MIR2052HG: variants seen among roughly 807,000 people sequenced by gnomAD.
MIR2052HG encodes MIR2052 host gene.
intron 4 of MIR2052HG, among the ~76,000 whole-genome samples, chr8:74,706,495 G>C (rs1809412408): frequency 6.6e-6 from 1 of 152,030 alleles, no homozygotes; most frequent in Non-Finnish European, 1.5e-5. Context: ...CCTTTCTATA[G>C]CGAAATTCAG....
At chr8:74,702,274 T>C in intron 2 of MIR2052HG, 1 of 206,978 alleles carries the variant, frequency 4.8e-6, no homozygotes, top group South Asian at 5.6e-5. Flanking sequence ...GCGATTTTGA[T>C]TAAGAAGGGA....
chr8:74,660,598 T>C (rs142794130), intron 2 of MIR2052HG, among the ~76,000 whole-genome samples: 2,435 of 152,304 alleles, frequency 0.016, 58 homozygotes, highest in African/African-American at 0.049. Context: ...TTTTCAAGAA[T>C]TGAAATGCTT....
chr8:74,638,945 A>G (rs1808611147), intron 2 of MIR2052HG, among the ~76,000 whole-genome samples: 1 of 152,190 alleles, frequency 6.6e-6, no homozygotes, highest in Non-Finnish European at 1.5e-5. Flanking sequence ...GGAGAATATG[A>G]ACATTAGGTC....
At chr8:74,632,502 C>T (rs1262584950) in intron 2 of MIR2052HG, 1 of 151,556 alleles carries the variant, frequency 6.6e-6, no homozygotes, top group Non-Finnish European at 1.5e-5. Context: ...TGTTATCTTA[C>T]CTAGGGATTG....
chr8:74,677,180 A>G (rs920375283), intron 2 of MIR2052HG, among the ~76,000 whole-genome samples: 5 of 152,014 alleles, frequency 3.3e-5, no homozygotes, highest in African/African-American at 7.2e-5. Context: ...GCACTAATAA[A>G]ATCAGTTCAA....
At chr8:74,621,708 T>G (rs994606580) in intron 2 of MIR2052HG, among the ~76,000 whole-genome samples, 17 of 152,232 alleles carry the variant, frequency 1.1e-4, no homozygotes, top group African/African-American at 3.6e-4. Flanking sequence ...AGGTGAGATT[T>G]GTGTGGGGAC....
At chr8:74,665,940 C>G (rs1808918995) in intron 2 of MIR2052HG, among the ~76,000 whole-genome samples, 1 of 152,188 alleles carries the variant, frequency 6.6e-6, no homozygotes, top group African/African-American at 2.4e-5. Flanking sequence ...CTTTGCTTCT[C>G]CTTTGCCTTC....
chr8:74,719,849 C>CTTTTTTTTTTTTTTTTTTTTTTTTT (rs10647233), intron 4 of MIR2052HG, among the ~76,000 whole-genome samples: 15 of 106,710 alleles, frequency 1.4e-4, no homozygotes, highest in Non-Finnish European at 1.8e-4. Flanking sequence ...TTTCTTTTTT[C>CTTTTTTTTTTTTTTTTTTTTTTTTT]TTTTTTTTTT....
intron 2 of MIR2052HG, among the ~76,000 whole-genome samples, chr8:74,645,420 G>A (rs1808681610): frequency 6.6e-6 from 1 of 151,950 alleles, no homozygotes; most frequent in Non-Finnish European, 1.5e-5. Context: ...TGAGTAGCTG[G>A]GACTACAGGC....
At chr8:74,601,798 T>C (rs1050556703) in intron 1 of MIR2052HG, among the ~76,000 whole-genome samples, 12 of 152,182 alleles carry the variant, frequency 7.9e-5, no homozygotes, top group Non-Finnish European at 1.5e-4. Flanking sequence ...TACTTACTAA[T>C]ACCAGATTCT....
intron 4 of MIR2052HG, among the ~76,000 whole-genome samples, chr8:74,737,667 G>A (rs553471481): frequency 1.3e-5 from 2 of 152,032 alleles, no homozygotes; most frequent in African/African-American, 4.8e-5. Flanking sequence ...CTAATCCTTC[G>A]TTCCCTTGGC....
At chr8:74,639,946 G>A (rs1372025107) in intron 2 of MIR2052HG, among the ~76,000 whole-genome samples, 1 of 152,080 alleles carries the variant, frequency 6.6e-6, no homozygotes, top group Non-Finnish European at 1.5e-5. Context: ...CACTTTGAAT[G>A]AGAGCCACTT....
chr8:74,651,102 G>C (rs1179560776), intron 2 of MIR2052HG, among the ~76,000 whole-genome samples: 1 of 149,744 alleles, frequency 6.7e-6, no homozygotes, highest in Non-Finnish European at 1.5e-5. Flanking sequence ...TTTGTGATTG[G>C]AGTGAGTTAG....
intron 2 of MIR2052HG, among the ~76,000 whole-genome samples, chr8:74,685,621 A>C (rs1241594177): frequency 6.6e-6 from 1 of 152,088 alleles, no homozygotes; most frequent in Non-Finnish European, 1.5e-5. Flanking sequence ...AGTGTGAAAA[A>C]CATATACCAT....
At chr8:74,662,236 C>T (rs1180566284) in intron 2 of MIR2052HG, among the ~76,000 whole-genome samples, 1 of 152,090 alleles carries the variant, frequency 6.6e-6, no homozygotes, top group Non-Finnish European at 1.5e-5. Context: ...ATTTTCTCTC[C>T]CACAATAATG....
intron 2 of MIR2052HG, among the ~76,000 whole-genome samples, chr8:74,641,604 A>AT (rs1361231939): frequency 2.1e-4 from 31 of 148,946 alleles, no homozygotes; most frequent in East Asian, 1.4e-3. Context: ...ATTGTGGTCC[A>AT]TTTTTTTTTT....
intron 2 of MIR2052HG, among the ~76,000 whole-genome samples, chr8:74,700,977 T>A (rs1809351428): frequency 6.6e-6 from 1 of 152,140 alleles, no homozygotes; most frequent in African/African-American, 2.4e-5. Flanking sequence ...AATAAATATA[T>A]AATAAAATGC....
At chr8:74,743,737 A>G (rs1486582751) in intron 4 of MIR2052HG, among the ~76,000 whole-genome samples, 1 of 152,182 alleles carries the variant, frequency 6.6e-6, no homozygotes, top group South Asian at 2.1e-4. Flanking sequence ...GATCTGAAAA[A>G]TCAACCTTAC....
intron 4 of MIR2052HG, among the ~76,000 whole-genome samples, chr8:74,733,334 T>C (rs986492390): frequency 3.9e-5 from 6 of 152,162 alleles, no homozygotes; most frequent in Admixed American, 1.3e-4. Flanking sequence ...ATGCAGTGTT[T>C]GGTTTTTTGT....
Sources: gnomAD v4.1 joint callset for allele counts (sites outside exome capture counted in the v4.1 genomes callset) on GRCh38, gnomAD v4.1.1 for gene constraint, MANE v1.5 for transcripts, NCBI Gene and HGNC (gene_info 2026-07-23, HGNC 2026-07-21) for gene names.